Variants in SYT6 observed in about 807,000 individuals in gnomAD.
SYT6 encodes synaptotagmin-6.
SYT6 carries 24 observed loss-of-function variants against 38.4 expected under a neutral mutation model. The ratio of observed to expected loss-of-function variants is 0.62; its 90% confidence interval spans 0.45 to 0.88. SYT6 has a LOEUF of 0.88. Ranked by LOEUF, SYT6 falls within the 40% of genes least tolerant of loss-of-function variation. The pLI, the probability that SYT6 is intolerant of heterozygous loss-of-function variation, is 0.00. For missense variants in SYT6, 611 were observed against 621.0 expected, an observed-to-expected ratio of 0.98 and a Z score of 0.17; for synonymous variants, 265 against 241.9, an observed-to-expected ratio of 1.10 and a Z score of -0.89.
In SYT6 at chr1:114,091,913, C is replaced by T. The variant is rs1006211675; in HGVS notation, c.*221G>A. The T allele has an allele frequency of 1.1e-5, 14 of 1,274,632 alleles. No homozygotes were observed. The highest frequency in any genetic ancestry group is 1.9e-4 in the Middle Eastern group (1 of 5,306). The allele number at this position is 1,274,632 out of a possible 1,614,324, so 79.0% of individuals were successfully genotyped here. A position where few individuals can be genotyped will look rare whatever the true frequency, so the allele number is the denominator to read the frequency against. ...ACTCTGGAGTGACGGACGGCTGCCG[C>T]TGCTGCCGCCACTGCGACTGCACAA... is the stretch of plus-strand genomic sequence containing the variant. On this transcript the variant is annotated 3_prime_UTR_variant, in exon 8 of 8. Transcript: ENST00000610222.
At chr1:114,129,755 G>A (rs1678028286) in intron 3 of SYT6, among the ~76,000 whole-genome samples, 1 of 150,538 alleles carries the variant, frequency 6.6e-6, no homozygotes, top group African/African-American at 2.5e-5. Flanking sequence ...ATGGCTCACT[G>A]CAGCCTTGAT....
At chr1:114,114,532 G>A (rs769378967) in intron 3 of SYT6, among the ~76,000 whole-genome samples, 14 of 152,194 alleles carry the variant, frequency 9.2e-5, no homozygotes, top group Non-Finnish European at 1.6e-4. Flanking sequence ...TGTCAGGGTG[G>A]AGCCTCATAG....
chr1:114,098,631 G>A (rs953894604), intron 5 of SYT6, among the ~76,000 whole-genome samples: 1 of 152,244 alleles, frequency 6.6e-6, no homozygotes, highest in African/African-American at 2.4e-5. Context: ...GGCAGGTCCA[G>A]GAAGAAAGCT....
At chr1:114,094,233 A>G (rs903641826) in intron 6 of SYT6, among the ~76,000 whole-genome samples, 4 of 152,190 alleles carry the variant, frequency 2.6e-5, no homozygotes, top group Admixed American at 6.5e-5. Flanking sequence ...GGACAATGGA[A>G]AGGCGAATGA....
chr1:114,115,890 C>T (rs1474762301), intron 3 of SYT6, among the ~76,000 whole-genome samples: 1 of 152,154 alleles, frequency 6.6e-6, no homozygotes, highest in African/African-American at 2.4e-5. Flanking sequence ...TCTCCTCCAT[C>T]CCACCCAGCC....
At chr1:114,129,555 T>TC (rs1299809425) in intron 3 of SYT6, among the ~76,000 whole-genome samples, 3 of 142,154 alleles carry the variant, frequency 2.1e-5, no homozygotes, top group East Asian at 4.3e-4. Context: ...TTCTGTCTTT[T>TC]TTTCTTTCTT....
intron 4 of SYT6, among the ~76,000 whole-genome samples, chr1:114,101,431 T>TG: frequency 6.6e-6 from 1 of 152,156 alleles, no homozygotes; most frequent in East Asian, 1.9e-4. Flanking sequence ...TCAGCCTCAT[T>TG]GTCATGGGAG....
intron 1 of SYT6, among the ~76,000 whole-genome samples, chr1:114,150,150 C>A (rs1350161838): frequency 6.6e-6 from 1 of 152,118 alleles, no homozygotes; most frequent in Non-Finnish European, 1.5e-5. Flanking sequence ...ATGTTATACC[C>A]CTAACTCTGT....
intron 3 of SYT6, among the ~76,000 whole-genome samples, chr1:114,105,706 C>T (rs936038915): frequency 3.3e-5 from 5 of 152,282 alleles, no homozygotes; most frequent in African/African-American, 9.6e-5. Flanking sequence ...CTCCATTTCA[C>T]GGACGAATAA....
At position 114,091,901 on chromosome 1, in the gene SYT6, G is replaced by T; in HGVS notation, c.*233C>A. The T allele has an allele frequency of 1.8e-6, 2 of 1,097,196 alleles. No homozygotes were observed. The highest frequency in any genetic ancestry group is 2.6e-6 in the Non-Finnish European group (2 of 759,464). The allele number at this position is 1,097,196 out of a possible 1,614,324, so 68.0% of individuals were successfully genotyped here. A position where few individuals can be genotyped will look rare whatever the true frequency, so the allele number is the denominator to read the frequency against. ...GGAGCAGGTAAGACTCTGGAGTGAC[G>T]GACGGCTGCCGCTGCTGCCGCCACT... On this transcript the variant is annotated 3_prime_UTR_variant, in exon 8 of 8. Transcript: ENST00000610222.
chr1:114,111,982 G>T (rs1196860690), intron 3 of SYT6, among the ~76,000 whole-genome samples: 3 of 152,178 alleles, frequency 2.0e-5, no homozygotes, highest in Non-Finnish European at 4.4e-5. Context: ...GAATGCTGGG[G>T]GTGTCTGGGG....
intron 3 of SYT6, among the ~76,000 whole-genome samples, chr1:114,104,147 G>A (rs896816723): frequency 6.6e-6 from 1 of 152,170 alleles, no homozygotes; most frequent in African/African-American, 2.4e-5. Context: ...ACAGTGTCCT[G>A]GACAAGACAC....
At position 114,137,978 on chromosome 1, in the gene SYT6, TG is replaced by T. The variant is rs1678603795; in HGVS notation, c.587del (p.Pro196GlnfsTer51). The T allele has an allele frequency of 6.2e-7, 1 of 1,613,858 alleles. No homozygotes were observed. On this transcript the variant is annotated frameshift_variant, in exon 3 of 8. Coordinates refer to ENST00000610222, the MANE Select transcript of SYT6 (RefSeq NM_001253772.2). LOFTEE classifies it high-confidence loss of function. ...CAATGCTGGTGGGCTGCTCTGCTGC[TG>T]GTGGAAGCTCATTGCCATAGTCTAC... Reference protein sequence around the residue: ...SSVDYGNELPPAAEQPTSIGR... With the variant: ...SSVDYGNELPXAAEQPTSIGR...
chr1:114,118,082 C>T (rs2774311), intron 3 of SYT6, among the ~76,000 whole-genome samples: 63,622 of 151,964 alleles, frequency 0.42, 13,537 homozygotes, highest in Non-Finnish European at 0.43. Context: ...GAGAAGCAAG[C>T]GGTGTGGGAG....
chr1:114,108,665 A>T (rs1046562263), intron 3 of SYT6, among the ~76,000 whole-genome samples: 1 of 152,186 alleles, frequency 6.6e-6, no homozygotes, highest in Non-Finnish European at 1.5e-5. Flanking sequence ...GGAATCTAGC[A>T]ATTTCGTTTT....
chr1:114,151,400 T>C (rs924021154), intron 1 of SYT6, among the ~76,000 whole-genome samples: 1 of 152,140 alleles, frequency 6.6e-6, no homozygotes, highest in African/African-American at 2.4e-5. Context: ...GTAATTCATC[T>C]GGGCCTGCCG....
At chr1:114,107,152 G>A (rs955434547) in intron 3 of SYT6, among the ~76,000 whole-genome samples, 2 of 152,208 alleles carry the variant, frequency 1.3e-5, no homozygotes, top group African/African-American at 2.4e-5. Flanking sequence ...TTCACAGGCT[G>A]TCTCTTTTGG....
chr1:114,100,542 C>T lies in SYT6; in HGVS notation c.1193-1277G>A, dbSNP rs537440036. ...TTTTGTAGACACCTAAATGAGCTGC[C>T]GACTAATCCATGTGGCAGCAGTAGC... On this transcript the variant is annotated intron_variant, in intron 4 of 7. Coordinates refer to ENST00000610222, the MANE Select transcript of SYT6 (RefSeq NM_001253772.2). Among the ~76,000 whole-genome samples the T allele has an allele frequency of 2.0e-5, 3 of 152,286 alleles. No homozygotes were observed. In the South Asian group the frequency reaches 6.2e-4, roughly 32 times the overall value.
intron 1 of SYT6, among the ~76,000 whole-genome samples, chr1:114,143,559 T>TGC (rs1491323179): frequency 8.9e-5 from 13 of 145,546 alleles, no homozygotes; most frequent in Admixed American, 6.1e-4. Context: ...CTTATGTGCA[T>TGC]GTGTGTGTGT....
Sources: gnomAD v4.1 joint callset for allele counts (sites outside exome capture counted in the v4.1 genomes callset) on GRCh38, gnomAD v4.1.1 for gene constraint, MANE v1.5 for transcripts, NCBI Gene and HGNC (gene_info 2026-07-23, HGNC 2026-07-21) for gene names.